UBE2E2: variants seen among roughly 807,000 people sequenced by gnomAD.
The protein encoded by UBE2E2 is ubiquitin conjugating enzyme E2 E2, also known as ubiquitin-conjugating enzyme E2 E2.
In UBE2E2, 6 loss-of-function variants were observed where a neutral mutation model predicts 24.7. That is an observed-to-expected ratio of 0.24 (90% confidence interval 0.13 to 0.48). UBE2E2 has a LOEUF of 0.48. UBE2E2 is among the 20% of genes least tolerant of loss of function. UBE2E2 has a pLI of 0.99. For missense variants in UBE2E2, 169 were observed against 245.0 expected (o/e 0.69, Z 2.07); for synonymous variants, 104 against 83.6 (o/e 1.24, Z -1.33).
intron 3 of UBE2E2, among the ~76,000 whole-genome samples, chr3:23,451,212 T>G (rs1698555149): frequency 6.6e-6 from 1 of 152,176 alleles, no homozygotes; most frequent in South Asian, 2.1e-4. Context: ...ACATAGCCTC[T>G]CCTCTTAAAA....
chr3:23,342,976 G>A (rs562499963), intron 3 of UBE2E2, among the ~76,000 whole-genome samples: 1 of 152,178 alleles, frequency 6.6e-6, no homozygotes, highest in East Asian at 1.9e-4. Flanking sequence ...TTGTTGCTGT[G>A]CTGGAGGAAT....
At position 23,583,848 on chromosome 3, in the gene UBE2E2, A is replaced by G. The variant is rs988710477; in HGVS notation, c.509-5886A>G. 6.6e-6 allele frequency among the ~76,000 whole-genome samples: 1 copy of G among 152,212 alleles called. No individual in the cohort carries two copies. The highest frequency in any genetic ancestry group is 6.5e-5 in the Admixed American group (1 of 15,274). Reference sequence around the variant, plus strand: ...AGTGGGGTTTTCTAGGTATAGAATCATATCGTCTACAAACAGGGATAGTTT... The same window carrying G: ...AGTGGGGTTTTCTAGGTATAGAATCGTATCGTCTACAAACAGGGATAGTTT... On this transcript the variant is annotated intron_variant, in intron 5 of 5. Transcript: ENST00000396703. This position sits in a 1 kb window ranked among gnomAD's most constrained non-coding sequence, Gnocchi z 4.1.
At chr3:23,228,699 C>T (rs1448494539) in intron 3 of UBE2E2, among the ~76,000 whole-genome samples, 1 of 152,144 alleles carries the variant, frequency 6.6e-6, no homozygotes, top group African/African-American at 2.4e-5. Context: ...GAACTGTCTA[C>T]ATTCTTCAGA....
chr3:23,438,047 A>G (rs1022432350), intron 3 of UBE2E2, among the ~76,000 whole-genome samples: 6 of 152,230 alleles, frequency 3.9e-5, no homozygotes, highest in East Asian at 1.9e-4. Context: ...AGTCAGATTA[A>G]TTCAGCAGAT....
intron 3 of UBE2E2, among the ~76,000 whole-genome samples, chr3:23,372,189 T>G (rs181416439): frequency 4.6e-5 from 7 of 152,352 alleles, no homozygotes; most frequent in Admixed American, 3.3e-4. Flanking sequence ...TACATTTTGC[T>G]GTATGTAAAT....
chr3:23,343,960 T>G (rs1575573941), intron 3 of UBE2E2, among the ~76,000 whole-genome samples: 1 of 152,256 alleles, frequency 6.6e-6, no homozygotes, highest in Non-Finnish European at 1.5e-5. Context: ...TGGGTAGTTC[T>G]CAGTTTGGAC....
intron 3 of UBE2E2, among the ~76,000 whole-genome samples, chr3:23,480,097 C>T (rs1401084938): frequency 6.6e-6 from 1 of 152,208 alleles, no homozygotes; most frequent in Non-Finnish European, 1.5e-5. Flanking sequence ...CCATCCATGG[C>T]ACCCAGGCTG....
intron 3 of UBE2E2, among the ~76,000 whole-genome samples, chr3:23,303,245 T>C (rs1187068130): frequency 6.6e-6 from 1 of 152,096 alleles, no homozygotes; most frequent in Non-Finnish European, 1.5e-5. Context: ...AACTCAGGTC[T>C]CCCACTGATT....
chr3:23,211,850 C>T (rs9310715), intron 2 of UBE2E2, among the ~76,000 whole-genome samples: 93,541 of 152,054 alleles, frequency 0.62, 29,337 homozygotes, highest in South Asian at 0.68. Context: ...AAACTGATGC[C>T]GTCACTGATA....
chr3:23,231,176 G>T lies in UBE2E2; in HGVS notation c.227+13864G>T, dbSNP rs546939191. Among the ~76,000 whole-genome samples, 3 of 152,236 alleles carry T rather than the reference G, an allele frequency of 2.0e-5. 1 individual carries two copies. Among genetic ancestry groups the T allele is most frequent in the African/African-American group, 7.2e-5 (3 of 41,530 alleles). ...AAACAAATGAAGCAGATTTTTATCA[G>T]CTTTTGTCCTCTTCACCCATAGATT... On this transcript the variant is annotated intron_variant, in intron 3 of 5. Transcript: ENST00000396703.
chr3:23,230,838 G>A (rs1252859284), intron 3 of UBE2E2, among the ~76,000 whole-genome samples: 1 of 151,622 alleles, frequency 6.6e-6, no homozygotes, highest in Non-Finnish European at 1.5e-5. Context: ...CTGGAGAGGT[G>A]AAGGGTCATG....
At chr3:23,246,610 C>G (rs1697413187) in intron 3 of UBE2E2, among the ~76,000 whole-genome samples, 1 of 151,878 alleles carries the variant, frequency 6.6e-6, no homozygotes. Flanking sequence ...TGTTAAATTC[C>G]TGGGCTCAAA....
chr3:23,220,968 G>T (rs1559444438), intron 3 of UBE2E2, among the ~76,000 whole-genome samples: 1 of 152,140 alleles, frequency 6.6e-6, no homozygotes, highest in Admixed American at 6.6e-5. Flanking sequence ...AATTAAAATC[G>T]TCATCATCCA....
At chr3:23,383,144 T>G (rs1354290800) in intron 3 of UBE2E2, among the ~76,000 whole-genome samples, 3 of 152,150 alleles carry the variant, frequency 2.0e-5, no homozygotes, top group Non-Finnish European at 4.4e-5. Flanking sequence ...TGGGTGATAA[T>G]TGATTGGATG....
intron 5 of UBE2E2, among the ~76,000 whole-genome samples, chr3:23,536,111 A>G (rs549920050): frequency 2.6e-5 from 4 of 152,196 alleles, no homozygotes; most frequent in Non-Finnish European, 5.9e-5. Flanking sequence ...ATTTGGTTTC[A>G]TCTTTTGAAG....
At chr3:23,510,511 A>T (rs755359364) in intron 4 of UBE2E2, among the ~76,000 whole-genome samples, 1 of 152,036 alleles carries the variant, frequency 6.6e-6, no homozygotes, top group Admixed American at 6.6e-5. Flanking sequence ...GAAGGCTGAG[A>T]CATGAGAATT....
chr3:23,389,679 G>C (rs952719759), intron 3 of UBE2E2: 1 of 258,150 alleles, frequency 3.9e-6, no homozygotes, highest in Non-Finnish European at 8.0e-6. Flanking sequence ...GGCTGGCTTT[G>C]AGGGGGATTT....
At chr3:23,420,068 A>G (rs1697758383) in intron 3 of UBE2E2, among the ~76,000 whole-genome samples, 1 of 152,224 alleles carries the variant, frequency 6.6e-6, no homozygotes, top group East Asian at 1.9e-4. Context: ...TGCCTAAGAG[A>G]GAGAGTCTAT....
chr3:23,213,473 C>T (rs953309012), intron 2 of UBE2E2, among the ~76,000 whole-genome samples: 1 of 151,918 alleles, frequency 6.6e-6, no homozygotes, highest in Non-Finnish European at 1.5e-5. Flanking sequence ...ATCATTCATT[C>T]CTGGAACGGT....
Sources: gnomAD v4.1 joint callset for allele counts (sites outside exome capture counted in the v4.1 genomes callset) on GRCh38, gnomAD v4.1.1 for gene constraint, Gnocchi (gnomAD v3.1) non-coding constraint, MANE v1.5 for transcripts, NCBI Gene and HGNC (gene_info 2026-07-23, HGNC 2026-07-21) for gene names.